Variants in DAB1 observed in about 807,000 individuals in gnomAD.
DAB1 encodes the protein disabled homolog 1.
A neutral mutation model predicts 64.6 loss-of-function variants in DAB1; 15 were observed. The observed-to-expected ratio is 0.23, with a 90% CI of 0.16 to 0.36. The LOEUF (loss-of-function observed/expected upper bound fraction) is 0.36. Ranked by LOEUF, DAB1 falls within the 10% of genes least tolerant of loss-of-function variation. The pLI is 1.00. For missense variants in DAB1, 596 were observed against 706.7 expected, an observed-to-expected ratio of 0.84 and a Z score of 1.78; for synonymous variants, 235 against 251.9, an observed-to-expected ratio of 0.93 and a Z score of 0.64.
chr1:57,678,391 T>C (rs1385419549), intron 6 of DAB1, among the ~76,000 whole-genome samples: 1 of 152,216 alleles, frequency 6.6e-6, no homozygotes, highest in East Asian at 1.9e-4. Flanking sequence ...GACATTATCT[T>C]AATAAGCTCC....
intron 4 of DAB1, among the ~76,000 whole-genome samples, chr1:58,259,781 A>G (rs955340107): frequency 2.6e-5 from 4 of 152,332 alleles, no homozygotes; most frequent in South Asian, 4.1e-4. Context: ...TGTTCAAACC[A>G]TGAAAAGCAG....
chr1:57,402,000 T>C (rs2101033307), intron 1 of DAB1, among the ~76,000 whole-genome samples: 1 of 152,254 alleles, frequency 6.6e-6, no homozygotes, highest in African/African-American at 2.4e-5. Context: ...ATGACACCAT[T>C]ATACAATAGT....
chr1:57,238,893 A>ACACACACC (rs771778950), intron 2 of DAB1, among the ~76,000 whole-genome samples: 28 of 147,886 alleles, frequency 1.9e-4, no homozygotes, highest in African/African-American at 1.0e-4. Flanking sequence ...ACACACACAC[A>ACACACACC]CCCCTAACTT....
intron 4 of DAB1, among the ~76,000 whole-genome samples, chr1:58,170,022 AGATCAAACCCCG>A (rs1163988373): frequency 1.3e-5 from 2 of 152,342 alleles, no homozygotes; most frequent in Non-Finnish European, 2.9e-5. Context: ...TGCTATTATT[AGATCAAACCCCG>A]GCATTTAATG....
intron 6 of DAB1, among the ~76,000 whole-genome samples, chr1:57,786,340 C>T (rs1650338695): frequency 6.6e-6 from 1 of 152,078 alleles, no homozygotes; most frequent in Non-Finnish European, 1.5e-5. Flanking sequence ...AACAGTGTAC[C>T]AATATAGATG....
At chr1:58,173,458 G>A (rs762594970) in intron 4 of DAB1, among the ~76,000 whole-genome samples, 45 of 152,142 alleles carry the variant, frequency 3.0e-4, no homozygotes, top group Middle Eastern at 3.4e-3. Context: ...CATTCACCCC[G>A]AACCCCCTGC....
chr1:57,475,835 T>C (rs989050134), intron 7 of DAB1, among the ~76,000 whole-genome samples: 3 of 152,246 alleles, frequency 2.0e-5, no homozygotes, highest in Non-Finnish European at 4.4e-5. Flanking sequence ...CTTCATATTC[T>C]GAGACAAACC....
intron 4 of DAB1, among the ~76,000 whole-genome samples, chr1:58,244,012 T>C (rs1444108150): frequency 2.0e-5 from 3 of 151,662 alleles, no homozygotes; most frequent in African/African-American, 7.3e-5. Flanking sequence ...CAAGGATCAG[T>C]GAAAAAAAGA....
At chr1:58,295,640 A>G (rs1011397850) in intron 4 of DAB1, among the ~76,000 whole-genome samples, 2 of 152,080 alleles carry the variant, frequency 1.3e-5, no homozygotes, top group African/African-American at 4.8e-5. Context: ...AGTAGATGAG[A>G]GATTTTTTTG....
At chr1:57,205,553 A>G (rs1665469159) in intron 2 of DAB1, among the ~76,000 whole-genome samples, 1 of 152,224 alleles carries the variant, frequency 6.6e-6, no homozygotes, top group South Asian at 2.1e-4. Flanking sequence ...AATAGAACTA[A>G]GAGTGATTCA....
chr1:58,267,199 G>A (rs778980716), intron 4 of DAB1, among the ~76,000 whole-genome samples: 39 of 152,008 alleles, frequency 2.6e-4, no homozygotes, highest in Non-Finnish European at 4.4e-4. Context: ...CAGCCTGGGC[G>A]GCAGAGCTAG....
chr1:58,035,003 C>T (rs1557619553), intron 5 of DAB1, among the ~76,000 whole-genome samples: 2 of 152,210 alleles, frequency 1.3e-5, no homozygotes, highest in Non-Finnish European at 2.9e-5. Flanking sequence ...GCAGAAGTAA[C>T]ACCCTGTCTT....
chr1:58,443,889 A>AT (rs1428564650), intron 3 of DAB1, among the ~76,000 whole-genome samples: 1 of 152,118 alleles, frequency 6.6e-6, no homozygotes, highest in East Asian at 1.9e-4. Flanking sequence ...TCAAATTTCT[A>AT]TTTTTTCTAA....
At chr1:58,310,195 C>G (rs1662395680) in intron 4 of DAB1, among the ~76,000 whole-genome samples, 1 of 152,078 alleles carries the variant, frequency 6.6e-6, no homozygotes, top group Non-Finnish European at 1.5e-5. Context: ...TTGGGCTTAT[C>G]CTCTGACCTT....
At chr1:58,318,417 G>C (rs1317749269) in intron 4 of DAB1, among the ~76,000 whole-genome samples, 1 of 152,232 alleles carries the variant, frequency 6.6e-6, no homozygotes, top group East Asian at 1.9e-4. Context: ...GGTTTACAGA[G>C]CTGCCCAGGA....
At chr1:57,023,370 C>T (rs948363288) in intron 11 of DAB1, among the ~76,000 whole-genome samples, 161 bp downstream of exon 11, 2 of 152,206 alleles carry the variant, frequency 1.3e-5, no homozygotes, top group African/African-American at 4.8e-5. Flanking sequence ...CTCTGGACCC[C>T]AACACCACCT....
chr1:58,482,679 T>G (rs1276602457), intron 3 of DAB1, among the ~76,000 whole-genome samples: 1 of 151,946 alleles, frequency 6.6e-6, no homozygotes, highest in Non-Finnish European at 1.5e-5. Context: ...ATAATGACTT[T>G]GGGGGTCAAG....
chr1:57,602,317 G>T (rs1645584308), intron 7 of DAB1, among the ~76,000 whole-genome samples: 2 of 152,134 alleles, frequency 1.3e-5, no homozygotes, highest in African/African-American at 4.8e-5. Flanking sequence ...TCCTTGTGAA[G>T]TTTTCTCACA....
chr1:58,498,170 T>C (rs1315214206), intron 3 of DAB1, among the ~76,000 whole-genome samples: 1 of 152,138 alleles, frequency 6.6e-6, no homozygotes, highest in Non-Finnish European at 1.5e-5. Context: ...TAGGGGCTCA[T>C]TAAGCTATTC....
Sources: allele counts gnomAD v4.1 joint callset (sites outside exome capture counted in the v4.1 genomes callset), GRCh38; gene constraint gnomAD v4.1.1; transcripts MANE v1.5; gene names NCBI Gene and HGNC (gene_info 2026-07-23, HGNC 2026-07-21).